The following ZEB1 variants were observed in gnomAD, a reference collection of about 807,000 sequenced individuals.
ZEB1 encodes the protein zinc finger E-box binding homeobox 1.
A neutral mutation model predicts 84.9 loss-of-function variants in ZEB1; 21 were observed. The observed-to-expected ratio is 0.25, with a 90% CI of 0.18 to 0.36. The LOEUF is 0.36. Among genes scored for constraint, ZEB1 ranks in the 10% least tolerant of loss-of-function variants. The probability of loss-of-function intolerance (pLI) is 1.00; values close to 1 mark genes in which losing one functional copy is unlikely to be tolerated. For synonymous variants in ZEB1, 420 were observed against 471.1 expected (o/e 0.89, Z 1.41); for missense variants, 1,104 against 1,330.2 (o/e 0.83, Z 2.65).
intron 1 of ZEB1, among the ~76,000 whole-genome samples, chr10:31,388,565 CT>C (rs201389141): frequency 5.9e-5 from 9 of 151,956 alleles, no homozygotes; most frequent in African/African-American, 2.2e-4. Flanking sequence ...AACCAATTTA[CT>C]TTTTTTGTAT....
At chr10:31,469,366 G>GCA (rs2062867050) in intron 2 of ZEB1, among the ~76,000 whole-genome samples, 1 of 152,140 alleles carries the variant, frequency 6.6e-6, no homozygotes, top group African/African-American at 2.4e-5. Flanking sequence ...CACCATGCGT[G>GCA]AGCCGAAGCA....
chr10:31,371,078 A>G (rs1043267766), intron 1 of ZEB1, among the ~76,000 whole-genome samples: 1 of 152,186 alleles, frequency 6.6e-6, no homozygotes, highest in Non-Finnish European at 1.5e-5. Flanking sequence ...TAAAAACACA[A>G]GTCACTTCAT....
intron 1 of ZEB1, among the ~76,000 whole-genome samples, chr10:31,405,920 A>T (rs981519395): frequency 6.6e-6 from 1 of 151,916 alleles, no homozygotes; most frequent in African/African-American, 2.4e-5. Context: ...TTCAACTCCC[A>T]CTTATGAGTG....
chr10:31,495,532 C>G (rs755523215), intron 2 of ZEB1, among the ~76,000 whole-genome samples: 2 of 151,912 alleles, frequency 1.3e-5, no homozygotes, highest in Non-Finnish European at 2.9e-5. Context: ...ATAATCTGTA[C>G]TGAAAGTTTC....
At chr10:31,489,818 T>C (rs1166868012) in intron 2 of ZEB1, among the ~76,000 whole-genome samples, 1 of 151,340 alleles carries the variant, frequency 6.6e-6, no homozygotes, top group African/African-American at 2.4e-5. Flanking sequence ...TCTTCTTTTA[T>C]TCCCGACATT....
chr10:31,446,770 C>T (rs1300575606), intron 1 of ZEB1, among the ~76,000 whole-genome samples: 1 of 151,038 alleles, frequency 6.6e-6, no homozygotes, highest in African/African-American at 2.4e-5. Context: ...GCACTGTGGT[C>T]TGAGAGATAG....
chr10:31,434,637 A>G (rs1195767623), intron 1 of ZEB1, among the ~76,000 whole-genome samples: 6 of 152,198 alleles, frequency 3.9e-5, no homozygotes, highest in East Asian at 3.8e-4. Context: ...TACATTTTTC[A>G]TAACACTTAA....
At chr10:31,472,784 A>G (rs975501101) in intron 2 of ZEB1, among the ~76,000 whole-genome samples, 2 of 140,638 alleles carry the variant, frequency 1.4e-5, no homozygotes, top group African/African-American at 6.1e-5. Context: ...AATATCCTTG[A>G]TGAACATTGA....
chr10:31,488,608 T>C (rs1230324041), intron 2 of ZEB1, among the ~76,000 whole-genome samples: 1 of 151,040 alleles, frequency 6.6e-6, no homozygotes, highest in Non-Finnish European at 1.5e-5. Context: ...ACTGTTGTTT[T>C]AATACACAAT....
At chr10:31,417,579 A>G (rs2055429152) in intron 1 of ZEB1, among the ~76,000 whole-genome samples, 1 of 152,174 alleles carries the variant, frequency 6.6e-6, no homozygotes, top group African/African-American at 2.4e-5. Context: ...TCGGTGATAT[A>G]TAAGGTGTTC....
At position 31,397,204 on chromosome 10, in the gene ZEB1, C is replaced by T. The variant is rs1590819487; in HGVS notation, c.59-63833C>T. On this transcript the variant is annotated intron_variant, in intron 1 of 8. Coordinates refer to ENST00000424869, the MANE Select transcript of ZEB1 (RefSeq NM_001174096.2). ...TATTATTATTATTATTATTATTATACTTTAAGTTCTAGGGTACATGTGCAC... is the reference window on the plus strand; with the variant it reads ...TATTATTATTATTATTATTATTATATTTTAAGTTCTAGGGTACATGTGCAC... Among the ~76,000 whole-genome samples the T allele has an allele frequency of 2.5e-5, 3 of 120,428 alleles. No individual in the cohort carries two copies. The South Asian group carries it at 8.4e-4, about 34-fold the overall frequency. 79.0% of individuals were successfully genotyped at this position (120,428 alleles called of 152,430 possible). A position where few individuals can be genotyped will look rare whatever the true frequency, so the allele number is the denominator to read the frequency against.
intron 3 of ZEB1, among the ~76,000 whole-genome samples, chr10:31,499,720 G>A (rs868121866): frequency 7.2e-5 from 11 of 151,784 alleles, no homozygotes; most frequent in East Asian, 5.8e-4. Context: ...AGCCAAGATC[G>A]CGCCATTGCA....
intron 1 of ZEB1, among the ~76,000 whole-genome samples, chr10:31,330,444 A>T (rs1452148660): frequency 1.3e-5 from 2 of 152,216 alleles, no homozygotes; most frequent in Non-Finnish European, 2.9e-5. Flanking sequence ...TCAGAGAAAG[A>T]TGCCTAAGGA....
At chr10:31,500,456 C>A (rs2067962230) in intron 3 of ZEB1, among the ~76,000 whole-genome samples, 1 of 152,124 alleles carries the variant, frequency 6.6e-6, no homozygotes, top group Non-Finnish European at 1.5e-5. Flanking sequence ...TGCAGCTTCC[C>A]AACCAGGACC....
chr10:31,340,503 T>A (rs1168046723), intron 1 of ZEB1, among the ~76,000 whole-genome samples: 1 of 152,194 alleles, frequency 6.6e-6, no homozygotes, highest in Non-Finnish European at 1.5e-5. Flanking sequence ...ATCTTCAGTT[T>A]TATGTAACTT....
chr10:31,373,003 G>A, intron 1 of ZEB1: 2 of 985,198 alleles, frequency 2.0e-6, no homozygotes, highest in Non-Finnish European at 2.4e-6. Flanking sequence ...ACTTAATAAA[G>A]TTTGGGTAAT....
intron 1 of ZEB1, among the ~76,000 whole-genome samples, chr10:31,453,803 G>A (rs1450621886): frequency 1.3e-5 from 2 of 152,126 alleles, no homozygotes; most frequent in East Asian, 1.9e-4. Context: ...GGACCAGACG[G>A]ATTCACAGCC....
chr10:31,408,828 G>T (rs2053651384), intron 1 of ZEB1, among the ~76,000 whole-genome samples: 1 of 150,464 alleles, frequency 6.6e-6, no homozygotes, highest in African/African-American at 2.5e-5. Context: ...TCAAGACATA[G>T]GCATGGGCAA....
At chr10:31,378,865 A>G (rs1384588346) in intron 1 of ZEB1, among the ~76,000 whole-genome samples, 3 of 152,054 alleles carry the variant, frequency 2.0e-5, no homozygotes, top group African/African-American at 7.2e-5. Flanking sequence ...CAGGTGGTAG[A>G]TACACAAGGG....
Sources: allele counts gnomAD v4.1 joint callset (sites outside exome capture counted in the v4.1 genomes callset), GRCh38; gene constraint gnomAD v4.1.1; transcripts MANE v1.5; gene names NCBI Gene and HGNC (gene_info 2026-07-23, HGNC 2026-07-21).